The following TTLL1 variants were observed in gnomAD, a reference collection of about 807,000 sequenced individuals.
TTLL1 encodes polyglutamylase complex subunit TTLL1.
In TTLL1, 33 loss-of-function variants were observed where a neutral mutation model predicts 47.8. The observed-to-expected ratio is 0.69, with a 90% CI of 0.52 to 0.92. The LOEUF is 0.92. Ranked by LOEUF, TTLL1 falls within the 40% of genes least tolerant of loss-of-function variation. The pLI is 0.00. For synonymous variants in TTLL1, 225 were observed against 214.1 expected (o/e 1.05, Z -0.45); for missense variants, 488 against 547.5 (o/e 0.89, Z 1.08).
At chr22:43,087,523 C>CAAAAA (rs888525930) in intron 1 of TTLL1, among the ~76,000 whole-genome samples, 2 of 83,624 alleles carry the variant, frequency 2.4e-5, no homozygotes, top group African/African-American at 9.1e-5. Flanking sequence ...GACTCCATCT[C>CAAAAA]AAAAAAAAAA....
chr22:43,052,915 C>T (rs944883064), intron 8 of TTLL1, among the ~76,000 whole-genome samples: 1 of 151,920 alleles, frequency 6.6e-6, no homozygotes, highest in African/African-American at 2.4e-5. Context: ...AAAAAATTAG[C>T]GAGCCGTGGT....
chr22:43,057,675 A>G (rs1178499278), intron 8 of TTLL1, among the ~76,000 whole-genome samples: 2 of 151,966 alleles, frequency 1.3e-5, no homozygotes, highest in African/African-American at 4.8e-5. Flanking sequence ...CAAAAAGTAA[A>G]AGAACAGACC....
intron 6 of TTLL1, 58 bp from the exon 7 acceptor site, chr22:43,063,979 A>G (rs972001654): frequency 2.2e-5 from 35 of 1,560,890 alleles, no homozygotes; most frequent in Non-Finnish European, 2.9e-5. Context: ...AAAAGACACC[A>G]CTTCATTCTC....
chr22:43,079,510 TTCCTGATGAA>T (rs1928744322), intron 2 of TTLL1, among the ~76,000 whole-genome samples: 1 of 152,220 alleles, frequency 6.6e-6, no homozygotes, highest in Non-Finnish European at 1.5e-5. Context: ...CAGCTGTGAT[TTCCTGATGAA>T]TCCTGCTTGC....
chr22:43,053,778 C>G (rs1385907814), intron 8 of TTLL1, among the ~76,000 whole-genome samples: 2 of 152,244 alleles, frequency 1.3e-5, no homozygotes, highest in South Asian at 4.1e-4. Flanking sequence ...TCTATCATAA[C>G]AGCTTTTCAG....
At chr22:43,080,249 T>A (rs1257879389) in intron 1 of TTLL1, among the ~76,000 whole-genome samples, 1 of 151,886 alleles carries the variant, frequency 6.6e-6, no homozygotes, top group Non-Finnish European at 1.5e-5. Context: ...GAGACAGGGT[T>A]TCCCCATGTT....
At chr22:43,045,792 G>C (rs1926079763) in intron 10 of TTLL1, among the ~76,000 whole-genome samples, 1 of 151,832 alleles carries the variant, frequency 6.6e-6, no homozygotes, top group Non-Finnish European at 1.5e-5. Flanking sequence ...GCCTACTCCA[G>C]CTATCCCAGC....
At chr22:43,042,588 T>C (rs1008261634) in intron 10 of TTLL1, among the ~76,000 whole-genome samples, 1 of 152,216 alleles carries the variant, frequency 6.6e-6, no homozygotes, top group Admixed American at 6.5e-5. Context: ...CGTGACCTCA[T>C]GCGGCCAGTG....
chr22:43,066,807 T>C (rs558548916), intron 5 of TTLL1, among the ~76,000 whole-genome samples: 2 of 151,630 alleles, frequency 1.3e-5, no homozygotes, highest in South Asian at 2.1e-4. Flanking sequence ...CTGGCCAACA[T>C]GGTAAAACCC....
In TTLL1 at chr22:43,045,087, T is replaced by G. The variant is rs574317781; in HGVS notation, c.1142+1323A>C. ...CATGTTGGTCAGGCTGGTCTTGAAC[T>G]CCTGAGCTCGTGATCCACCTGCCTT... is the stretch of plus-strand genomic sequence containing the variant. On this transcript the variant is annotated intron_variant, in intron 10 of 10. Transcript: ENST00000266254. Among the ~76,000 whole-genome samples the G allele has an allele frequency of 1.1e-4, 17 of 152,282 alleles. No individual in the cohort carries two copies. The South Asian group carries it at 3.5e-3, about 32-fold the overall frequency.
In TTLL1 at chr22:43,068,901, G is replaced by C. The variant is rs116602867; in HGVS notation, c.323-311C>G. ...CTGAGGCCCAGGGAGATCAGATAGA[G>C]AATTCTACCCAGGTTTGTGAAGAAA... On this transcript the variant is annotated intron_variant, in intron 4 of 10. Coordinates refer to ENST00000266254, the MANE Select transcript of TTLL1 (RefSeq NM_012263.5). Among the ~76,000 whole-genome samples, 844 of 152,280 alleles carry C rather than the reference G, an allele frequency of 5.5e-3. 12 individuals carry two copies. The highest frequency in any genetic ancestry group is 0.02 in the African/African-American group (815 of 41,548).
chr22:43,070,985 G>T (rs549948216), intron 3 of TTLL1, among the ~76,000 whole-genome samples: 5 of 151,942 alleles, frequency 3.3e-5, no homozygotes, highest in African/African-American at 1.2e-4. Flanking sequence ...TGATCTCGCC[G>T]CACTGCAACC....
chr22:43,040,435 C>T (rs568154698), intron 10 of TTLL1, among the ~76,000 whole-genome samples: 5 of 152,142 alleles, frequency 3.3e-5, no homozygotes, highest in African/African-American at 1.2e-4. Context: ...GTGTGACCCA[C>T]GCCACCCCTC....
chr22:43,063,319 T>C (rs899057114), intron 7 of TTLL1, among the ~76,000 whole-genome samples: 2 of 152,180 alleles, frequency 1.3e-5, no homozygotes, highest in Admixed American at 6.5e-5. Flanking sequence ...ATTCAGCTGA[T>C]GTGTCCTAGG....
chr22:43,068,082 G>T (rs967729467), intron 5 of TTLL1, among the ~76,000 whole-genome samples: 1 of 148,250 alleles, frequency 6.7e-6, no homozygotes, highest in Non-Finnish European at 1.5e-5. Flanking sequence ...CCAAAGGGCT[G>T]AGATTACAGG....
chr22:43,046,604 T>C (rs1186118587), intron 9 of TTLL1, 31 bp from the exon 10 acceptor site: 1 of 1,605,280 alleles, frequency 6.2e-7, no homozygotes, highest in Non-Finnish European at 8.5e-7. Context: ...GTTCCTCACC[T>C]GTGTCTCTCG....
intron 6 of TTLL1, 97 bp downstream of exon 6, chr22:43,064,093 A>T: frequency 1.3e-6 from 2 of 1,553,446 alleles, no homozygotes; most frequent in East Asian, 2.3e-5. Flanking sequence ...GGCACCGCAC[A>T]TGCACTGTTT....
chr22:43,057,983 C>T (rs1309669607), intron 8 of TTLL1, among the ~76,000 whole-genome samples: 1 of 151,248 alleles, frequency 6.6e-6, no homozygotes, highest in Non-Finnish European at 1.5e-5. Context: ...CTCACTCTGT[C>T]GCCAGGCTGG....
At chr22:43,050,005 G>A (rs1333069134) in intron 9 of TTLL1, among the ~76,000 whole-genome samples, 2 of 152,174 alleles carry the variant, frequency 1.3e-5, no homozygotes, top group Non-Finnish European at 2.9e-5. Flanking sequence ...GCTGAGGCAG[G>A]AGAATTGCTT....
Sources: allele counts gnomAD v4.1 joint callset (sites outside exome capture counted in the v4.1 genomes callset), GRCh38; gene constraint gnomAD v4.1.1; transcripts MANE v1.5; gene names NCBI Gene and HGNC (gene_info 2026-07-23, HGNC 2026-07-21).